The following TMEM135 variants were observed in gnomAD, a reference collection of about 807,000 sequenced individuals.
The protein encoded by TMEM135 is transmembrane protein 135.
In TMEM135, 30 loss-of-function variants were observed where a neutral mutation model predicts 60.3. The ratio of observed to expected loss-of-function variants is 0.50; its 90% confidence interval spans 0.37 to 0.68. The LOEUF is 0.68. TMEM135 is among the 30% of genes least tolerant of loss of function. The pLI, the probability that TMEM135 is intolerant of heterozygous loss-of-function variation, is 0.00. For synonymous variants in TMEM135, 190 were observed against 186.7 expected, an observed-to-expected ratio of 1.02 and a Z score of -0.14; for missense variants, 468 against 548.8, an observed-to-expected ratio of 0.85 and a Z score of 1.47.
chr11:87,270,962 CTT>C (rs35794273), intron 6 of TMEM135, among the ~76,000 whole-genome samples: 1 of 149,440 alleles, frequency 6.7e-6, no homozygotes, highest in African/African-American at 2.5e-5. Context: ...CTCTCACAAG[CTT>C]TTTTTTTTAG....
At chr11:87,091,455 GT>G (rs1857202724) in intron 4 of TMEM135, 60 bp downstream of exon 4, 1 of 1,549,830 alleles carries the variant, frequency 6.5e-7, no homozygotes, top group South Asian at 1.1e-5. Flanking sequence ...TTAAAATCAA[GT>G]TTTCTTAAAA....
chr11:87,041,867 G>A (rs78724988), intron 1 of TMEM135, among the ~76,000 whole-genome samples: 3,100 of 152,340 alleles, frequency 0.02, 35 homozygotes, highest in Non-Finnish European at 0.028. Flanking sequence ...AGGACTTAGA[G>A]ACCAAGGATA....
intron 5 of TMEM135, among the ~76,000 whole-genome samples, chr11:87,174,223 G>A (rs1210411247): frequency 6.6e-6 from 1 of 151,982 alleles, no homozygotes; most frequent in African/African-American, 2.4e-5. Flanking sequence ...TATCACTTTT[G>A]CAATAAGACC....
At chr11:87,214,716 T>C (rs1395989256) in intron 5 of TMEM135, among the ~76,000 whole-genome samples, 2 of 152,284 alleles carry the variant, frequency 1.3e-5, no homozygotes, top group African/African-American at 4.8e-5. Flanking sequence ...CAGAATGTTA[T>C]GGGAAGGAAA....
At chr11:87,092,381 T>C (rs548929087) in intron 4 of TMEM135, among the ~76,000 whole-genome samples, 1 of 152,212 alleles carries the variant, frequency 6.6e-6, no homozygotes, top group Non-Finnish European at 1.5e-5. Context: ...TTTTGAGTCA[T>C]AGACCTCTTT....
At chr11:87,214,371 A>G (rs753539973) in intron 5 of TMEM135, among the ~76,000 whole-genome samples, 1 of 152,176 alleles carries the variant, frequency 6.6e-6, no homozygotes, top group Non-Finnish European at 1.5e-5. Context: ...TTACTATTAC[A>G]GCAGTGCAGT....
chr11:87,085,316 T>A (rs1305861991), intron 3 of TMEM135, among the ~76,000 whole-genome samples: 2 of 152,176 alleles, frequency 1.3e-5, no homozygotes, highest in Non-Finnish European at 2.9e-5. Context: ...AAATTGAAAT[T>A]TTGAGAACAG....
At chr11:87,080,104 T>G (rs1191371390) in intron 3 of TMEM135, among the ~76,000 whole-genome samples, 6 of 151,674 alleles carry the variant, frequency 4.0e-5, no homozygotes, top group Non-Finnish European at 1.5e-5. Context: ...CTTCCCAATG[T>G]GCTGAGATTA....
At chr11:87,211,930 G>T (rs1459539455) in intron 5 of TMEM135, among the ~76,000 whole-genome samples, 2 of 151,698 alleles carry the variant, frequency 1.3e-5, no homozygotes, top group Non-Finnish European at 2.9e-5. Flanking sequence ...GGTGACAGAG[G>T]GAGACTCCGT....
intron 3 of TMEM135, among the ~76,000 whole-genome samples, chr11:87,087,958 G>A (rs551393272): frequency 4.1e-4 from 63 of 152,142 alleles, no homozygotes; most frequent in Middle Eastern, 3.4e-3. Context: ...GGCTGGTCTC[G>A]AACTGCCGAT....
At chr11:87,267,147 A>G (rs1048371594) in intron 6 of TMEM135, among the ~76,000 whole-genome samples, 1 of 152,216 alleles carries the variant, frequency 6.6e-6, no homozygotes. Flanking sequence ...GAACTCTGCC[A>G]TGAGTGGTAA....
rs907061092 is a variant in TMEM135, at chr11:87,068,661, A to T, written c.269+840A>T. 2.8e-4 allele frequency among the ~76,000 whole-genome samples: 42 copies of T among 152,004 alleles called. 1 individual carries two copies. Among genetic ancestry groups the T allele is most frequent in the African/African-American group, 8.9e-4 (37 of 41,464 alleles). On this transcript the variant is annotated intron_variant, in intron 2 of 14. Coordinates refer to ENST00000305494, the MANE Select transcript of TMEM135 (RefSeq NM_022918.4). The stretch of plus-strand genomic sequence containing the variant: ...CCGTCTCTACTAAAAAGTACAAAAA[A>T]TTAGCCGGGCGTGGTGGTGGGCGCC...
chr11:87,306,679 A>G (rs928885732), intron 9 of TMEM135, among the ~76,000 whole-genome samples: 2 of 152,028 alleles, frequency 1.3e-5, no homozygotes, highest in African/African-American at 2.4e-5. Flanking sequence ...TGCAGTCAGC[A>G]TGGCACAGGT....
At chr11:87,168,415 C>A (rs1939128962) in intron 5 of TMEM135, among the ~76,000 whole-genome samples, 1 of 152,106 alleles carries the variant, frequency 6.6e-6, no homozygotes, top group South Asian at 2.1e-4. Context: ...GATTTTAGAT[C>A]TTTCCCACGT....
chr11:87,229,962 T>A (rs79576760), intron 5 of TMEM135, among the ~76,000 whole-genome samples: 9,884 of 152,146 alleles, frequency 0.065, 347 homozygotes, highest in African/African-American at 0.087. Flanking sequence ...CTATAAGATT[T>A]ACCAGTTTAA....
rs1939956226 is a variant in TMEM135, at chr11:87,196,341, T to G, written c.462+38935T>G. Among the ~76,000 whole-genome samples the G allele has an allele frequency of 4.6e-5, 7 of 152,196 alleles. No individual in the cohort carries two copies. The South Asian group carries it at 1.4e-3, about 32-fold the overall frequency. On this transcript the variant is annotated intron_variant, in intron 5 of 14. Transcript: ENST00000305494. ...TAATTTGATATGCTTAAAATAAAAATGAAGATTATTAAGGTTACAGTATCA... is the reference window on the plus strand; with the variant it reads ...TAATTTGATATGCTTAAAATAAAAAGGAAGATTATTAAGGTTACAGTATCA...
At chr11:87,313,550 A>ATGGTATTTCC in intron 11 of TMEM135, 62 bp downstream of exon 11, 4 of 1,356,280 alleles carry the variant, frequency 2.9e-6, no homozygotes, top group Non-Finnish European at 3.2e-6. Flanking sequence ...AATGAATTGG[A>ATGGTATTTCC]AATACCATCC....
At chr11:87,093,973 C>T (rs1163293132) in intron 4 of TMEM135, among the ~76,000 whole-genome samples, 2 of 152,134 alleles carry the variant, frequency 1.3e-5, no homozygotes, top group Non-Finnish European at 2.9e-5. Context: ...AAATATTCAT[C>T]TAACATACCT....
At chr11:87,081,962 T>C (rs898051095) in intron 3 of TMEM135, among the ~76,000 whole-genome samples, 1 of 152,204 alleles carries the variant, frequency 6.6e-6, no homozygotes, top group Non-Finnish European at 1.5e-5. Context: ...TTTGTGTATG[T>C]GTTGATTTAG....
Sources: gnomAD v4.1 joint callset for allele counts (sites outside exome capture counted in the v4.1 genomes callset) on GRCh38, gnomAD v4.1.1 for gene constraint, MANE v1.5 for transcripts, NCBI Gene and HGNC (gene_info 2026-07-23, HGNC 2026-07-21) for gene names.